The following LYZL1 variants were observed in gnomAD, a reference collection of about 807,000 sequenced individuals.
The protein encoded by LYZL1 is lysozyme-like protein 1.
In LYZL1, 16 loss-of-function variants were observed where a neutral mutation model predicts 17.9. The observed-to-expected ratio is 0.90, with a 90% CI of 0.61 to 1.36. LYZL1 has a LOEUF of 1.36. Ranked by LOEUF, LYZL1 falls within the 40% of genes most tolerant of loss-of-function variation. The pLI, the probability that LYZL1 is intolerant of heterozygous loss-of-function variation, is 0.00. For missense variants in LYZL1, 149 were observed against 188.4 expected (o/e 0.79, Z 1.22); for synonymous variants, 58 against 71.8 (o/e 0.81, Z 0.97).
chr10:29,300,147 T>G (rs1214039082), intron 3 of LYZL1, among the ~76,000 whole-genome samples: 1 of 152,234 alleles, frequency 6.6e-6, no homozygotes, highest in East Asian at 1.9e-4. Context: ...TTAATGTGAT[T>G]ATTGATATGG....
At position 29,298,593 on chromosome 10, in the gene LYZL1, C is replaced by T. The variant is rs887767590; in HGVS notation, c.298+5916C>T. On this transcript the variant is annotated intron_variant, in intron 3 of 4. Transcript: ENST00000649382. ...TCCCATGCACCCTCTCTCACAAAACCGTAGGAAAACATGCTTCACAAAAAG... is the reference window on the plus strand; with the variant it reads ...TCCCATGCACCCTCTCTCACAAAACTGTAGGAAAACATGCTTCACAAAAAG... Among the ~76,000 whole-genome samples, 19 of 152,144 alleles carry T rather than the reference C, an allele frequency of 1.2e-4. No homozygotes were observed. The East Asian group carries it at 1.7e-3, about 14-fold the overall frequency.
chr10:29,296,628 T>C (rs763032990), intron 3 of LYZL1, among the ~76,000 whole-genome samples: 7 of 152,170 alleles, frequency 4.6e-5, no homozygotes, highest in Non-Finnish European at 8.8e-5. Context: ...ACATGGGAGA[T>C]TAAGTTATAG....
intron 3 of LYZL1, among the ~76,000 whole-genome samples, chr10:29,295,293 A>C (rs2132818256): frequency 6.6e-6 from 1 of 152,356 alleles, no homozygotes; most frequent in Non-Finnish European, 1.5e-5. Context: ...ATTCAAAACA[A>C]GTTTGCTTTA....
At chr10:29,300,532 T>G (rs1162714382) in intron 3 of LYZL1, among the ~76,000 whole-genome samples, 1 of 152,176 alleles carries the variant, frequency 6.6e-6, no homozygotes, top group Non-Finnish European at 1.5e-5. Flanking sequence ...TTAAATAAAT[T>G]TTTAAATGAG....
chr10:29,293,654 G>A (rs1835407688), intron 3 of LYZL1, among the ~76,000 whole-genome samples: 1 of 152,158 alleles, frequency 6.6e-6, no homozygotes. Flanking sequence ...AGTGCCATGG[G>A]CTTCAGAGGA....
chr10:29,316,823 C>A (rs547883782), intron 3 of LYZL1, among the ~76,000 whole-genome samples: 2 of 151,686 alleles, frequency 1.3e-5, no homozygotes, highest in Admixed American at 1.3e-4. Context: ...CTCAAGTGAG[C>A]CTCCCTCCTC....
chr10:29,300,015 C>T lies in LYZL1; in HGVS notation c.298+7338C>T, dbSNP rs184482174. Among the ~76,000 whole-genome samples the T allele has an allele frequency of 4.2e-3, 644 of 152,206 alleles. 6 individuals carry two copies. Among genetic ancestry groups the T allele is most frequent in the African/African-American group, 0.014 (588 of 41,538 alleles). On this transcript the variant is annotated intron_variant, in intron 3 of 4. Coordinates refer to ENST00000649382, the MANE Select transcript of LYZL1 (RefSeq NM_032517.6). ...CTACTCAACCACGACAGAGTGTGAA[C>T]GCAGCCATAGAAAGTATGTAAATGA...
At chr10:29,301,473 G>A (rs553580706) in intron 3 of LYZL1, among the ~76,000 whole-genome samples, 1 of 152,130 alleles carries the variant, frequency 6.6e-6, no homozygotes, top group Non-Finnish European at 1.5e-5. Context: ...TTACAGCTGT[G>A]AGTAATCATG....
intron 3 of LYZL1, among the ~76,000 whole-genome samples, chr10:29,308,966 G>GA (rs987709190): frequency 2.0e-5 from 3 of 148,498 alleles, no homozygotes; most frequent in African/African-American, 5.0e-5. Context: ...TCCTGTTTCA[G>GA]AAAAAAGGAA....
At chr10:29,304,534 C>A (rs1008365402) in intron 3 of LYZL1, among the ~76,000 whole-genome samples, 2 of 152,096 alleles carry the variant, frequency 1.3e-5, no homozygotes, top group African/African-American at 4.8e-5. Context: ...GACTGAAGCT[C>A]TTTTTGTGTA....
rs116889863 is a variant in LYZL1 at position 29,299,973 on chromosome 10, T to C, written c.298+7296T>C. ...TAAATATTTTAGGCTTTTCAGGTCA[T>C]ATGGTTTTGATTGCAACTACTCAAC... On this transcript the variant is annotated intron_variant, in intron 3 of 4. Transcript: ENST00000649382. Among the ~76,000 whole-genome samples, 26 of 152,318 alleles carry C rather than the reference T, an allele frequency of 1.7e-4. No homozygotes were observed. In the East Asian group the frequency reaches 4.6e-3, roughly 27 times the overall value.
Position 29,292,648 on chromosome 10 carries a change from A to C in LYZL1, c.269A>C (p.Glu90Ala). 1 of 1,614,182 alleles carries C rather than the reference A, an allele frequency of 6.2e-7. No individual in the cohort carries two copies. ...TGGTGCAGACGCGGAAAGCTGAAGG[A>C]GAACAACCACTGCCATGTCGCCTGC... ...FAWCRRGKLK[E>A]NNHCHVACSA... Residue 90 changes from glutamate (E) to alanine (A), a missense_variant, in exon 3 of 5, where the codon GAG becomes GCG. This residue lies in a region of LYZL1 where 130 missense variants were observed against 132.5 expected (regional missense o/e 0.98). Coordinates refer to ENST00000649382, the MANE Select transcript of LYZL1 (RefSeq NM_032517.6).
chr10:29,313,068 C>T (rs996735153), downstream of LYZL1, among the ~76,000 whole-genome samples: 7 of 152,166 alleles, frequency 4.6e-5, no homozygotes, highest in African/African-American at 1.7e-4. Flanking sequence ...ACCGGCTTGC[C>T]TTGCATGCAG....
At chr10:29,315,551 T>C (rs1447603833), downstream of LYZL1, among the ~76,000 whole-genome samples, 4 of 151,598 alleles carry the variant, frequency 2.6e-5, no homozygotes, top group African/African-American at 9.7e-5. Context: ...ATAAATACCA[T>C]AAAAATAAAA....
intron 4 of LYZL1, among the ~76,000 whole-genome samples, chr10:29,310,781 T>A (rs1174834330): frequency 6.6e-6 from 1 of 152,226 alleles, no homozygotes; most frequent in Non-Finnish European, 1.5e-5. Flanking sequence ...AGTTGATTGC[T>A]TGTTGCTGAA....
At chr10:29,316,812 G>A (rs1018227615) in intron 3 of LYZL1, among the ~76,000 whole-genome samples, 3 of 151,276 alleles carry the variant, frequency 2.0e-5, no homozygotes, top group African/African-American at 7.3e-5. Flanking sequence ...AAACTTTCAG[G>A]CTCAAGTGAG....
intron 2 of LYZL1, 132 bp downstream of exon 2, chr10:29,292,138 G>C: frequency 7.5e-7 from 1 of 1,340,554 alleles, no homozygotes; most frequent in Non-Finnish European, 1.0e-6. Context: ...AGGGGTGGCT[G>C]CTAGCCTAAC....
At chr10:29,309,799 G>A (rs1432649326) in intron 3 of LYZL1, among the ~76,000 whole-genome samples, 4 of 152,128 alleles carry the variant, frequency 2.6e-5, no homozygotes, top group South Asian at 4.1e-4. Context: ...CCTGGCCTGC[G>A]CCTATTTCTT....
At chr10:29,293,110 TTTTTTTCTTTTCTTTTC>T (rs1835396983) in intron 3 of LYZL1, among the ~76,000 whole-genome samples, 2 of 142,714 alleles carry the variant, frequency 1.4e-5, no homozygotes, top group African/African-American at 5.2e-5. Flanking sequence ...TTTCTTTCTT[TTTTTTTCTTTTCTTTTC>T]TTTTTTCTTT....
Sources: allele counts gnomAD v4.1 joint callset (sites outside exome capture counted in the v4.1 genomes callset), GRCh38; gene constraint gnomAD v4.1.1; regional missense constraint gnomAD v4.1.1; transcripts MANE v1.5; gene names NCBI Gene and HGNC (gene_info 2026-07-23, HGNC 2026-07-21).